The following MYCBP variants were observed in gnomAD, a reference collection of about 807,000 sequenced individuals.
The protein encoded by MYCBP is C-Myc-binding protein.
A neutral mutation model predicts 16.8 loss-of-function variants in MYCBP; 5 were observed. The observed-to-expected ratio is 0.30, with a 90% CI of 0.16 to 0.63. The LOEUF is 0.63. Among genes scored for constraint, MYCBP ranks in the 20% least tolerant of loss-of-function variants. MYCBP has a pLI of 0.83. For missense variants in MYCBP, 103 were observed against 121.8 expected (o/e 0.85, Z 0.73); for synonymous variants, 35 against 43.7 (o/e 0.80, Z 0.79).
chr1:38,868,533 A>G (rs1002429876), intron 2 of MYCBP, among the ~76,000 whole-genome samples: 13 of 152,276 alleles, frequency 8.5e-5, no homozygotes, highest in African/African-American at 3.1e-4. Context: ...TTAGATAAAA[A>G]ACTCTAAATC....
intron 2 of MYCBP, among the ~76,000 whole-genome samples, chr1:38,868,831 A>T (rs1047996777): frequency 6.6e-6 from 1 of 151,968 alleles, no homozygotes; most frequent in African/African-American, 2.4e-5. Flanking sequence ...GCGTCAACCC[A>T]GGAGGCGGAG....
chr1:38,870,276 G>T (rs1642433777), intron 2 of MYCBP, among the ~76,000 whole-genome samples: 1 of 151,986 alleles, frequency 6.6e-6, no homozygotes, highest in Non-Finnish European at 1.5e-5. Context: ...GAACCTGGGA[G>T]ATTAAGACTG....
At chr1:38,866,342 C>T (rs891323168) in intron 4 of MYCBP, among the ~76,000 whole-genome samples, 2 of 151,960 alleles carry the variant, frequency 1.3e-5, no homozygotes, top group African/African-American at 2.4e-5. Flanking sequence ...GCCACCGCAC[C>T]CAGCCAGAAC....
At chr1:38,868,326 A>C (rs1212707440) in intron 2 of MYCBP, among the ~76,000 whole-genome samples, 1 of 152,246 alleles carries the variant, frequency 6.6e-6, no homozygotes, top group South Asian at 2.1e-4. Context: ...TTACCGGAAG[A>C]AGCTCTGAAT....
chr1:38,867,547 G>T lies in MYCBP; in HGVS notation c.137+15C>A. 6.2e-7 allele frequency: 1 copy of T among 1,604,906 alleles called. No individual in the cohort carries two copies. Among genetic ancestry groups the T allele is most frequent in the Non-Finnish European group, 8.5e-7 (1 of 1,174,896 alleles). ...GAGTTTCAAAATAAAGCCTTTTTCT[G>T]ACTTGAAAGGATACTCCAAAGCACT... On this transcript the variant is annotated intron_variant, in intron 3 of 4. Transcript: ENST00000397572.
chr1:38,870,624 T>C (rs1332259358), intron 2 of MYCBP, among the ~76,000 whole-genome samples: 1 of 146,638 alleles, frequency 6.8e-6, no homozygotes, highest in Admixed American at 6.8e-5. Context: ...AAACCCCGTC[T>C]CTACTAAAAA....
chr1:38,870,782 A>G (rs1215423564), intron 2 of MYCBP, among the ~76,000 whole-genome samples: 5 of 122,702 alleles, frequency 4.1e-5, no homozygotes, highest in African/African-American at 1.2e-4. Flanking sequence ...CCTGGGCGAC[A>G]GAGCGAGACT....
chr1:38,873,317 C>CA lies in MYCBP; in HGVS notation c.-13dup. On this transcript the variant is annotated 5_prime_UTR_variant, in exon 1 of 5. Coordinates refer to ENST00000397572, the MANE Select transcript of MYCBP (RefSeq NM_012333.5). ...TTGTAATGGGCCATAGTGACAGCGG[C>CA]AGCGGCGTAGCTGGCGCCGGAGACC... 6.2e-7 allele frequency: 1 copy of CA among 1,601,282 alleles called. No individual in the cohort carries two copies.
chr1:38,868,628 G>A (rs936388358), intron 2 of MYCBP, among the ~76,000 whole-genome samples: 1 of 152,160 alleles, frequency 6.6e-6, no homozygotes, highest in Admixed American at 6.6e-5. Flanking sequence ...AAATGTGGCT[G>A]GGCGCAGTGG....
chr1:38,868,761 C>G (rs1642393209), intron 2 of MYCBP, among the ~76,000 whole-genome samples: 1 of 152,042 alleles, frequency 6.6e-6, no homozygotes, highest in African/African-American at 2.4e-5. Flanking sequence ...AAAAAATGAG[C>G]CAGGCGTGGT....
chr1:38,871,420 C>A (rs1642464004), intron 2 of MYCBP, among the ~76,000 whole-genome samples: 1 of 144,912 alleles, frequency 6.9e-6, no homozygotes, highest in African/African-American at 2.5e-5. Flanking sequence ...ACACATCCCA[C>A]CTGTCACTTT....
chr1:38,871,884 G>C (rs905921274), intron 2 of MYCBP, among the ~76,000 whole-genome samples: 4 of 152,110 alleles, frequency 2.6e-5, no homozygotes, highest in Non-Finnish European at 4.4e-5. Flanking sequence ...ACAGACACCT[G>C]AGTAAAATTA....
At chr1:38,866,668 G>A in intron 4 of MYCBP, among the ~76,000 whole-genome samples, 1 of 152,022 alleles carries the variant, frequency 6.6e-6, no homozygotes, top group South Asian at 2.1e-4. Flanking sequence ...ACCCACCTCG[G>A]CCTCCCAAAG....
At chr1:38,866,735 A>G in intron 4 of MYCBP, 145 bp downstream of exon 4, 1 of 707,052 alleles carries the variant, frequency 1.4e-6, no homozygotes. Flanking sequence ...TTTTCTTGAC[A>G]GGGCATAACT....
rs1188255134 is a variant in MYCBP, at chr1:38,866,910, A to G, written c.237T>C (p.Ile79=). The change falls in exon 4 of 5, where the codon ATT becomes ATC. Residue 79 remains isoleucine (I), a synonymous_variant. Coordinates refer to ENST00000397572, the MANE Select transcript of MYCBP (RefSeq NM_012333.5). ...LAEMKEKYEA[I]VEENKKLKAK... ...CTTTCAGTTTTTTATTTTCTTCTAC[A>G]ATAGCTTCATACTTCTCTTTCATTT... 1 of 1,573,318 alleles carries G rather than the reference A, an allele frequency of 6.4e-7. No homozygotes were observed. Among genetic ancestry groups the G allele is most frequent in the Admixed American group, 2.0e-5 (1 of 50,824 alleles).
intron 2 of MYCBP, among the ~76,000 whole-genome samples, chr1:38,871,156 G>A (rs964226318): frequency 2.6e-5 from 4 of 152,062 alleles, no homozygotes; most frequent in African/African-American, 7.2e-5. Flanking sequence ...CAACACAATC[G>A]CTTGAACCCG....
At chr1:38,866,044 C>CTTTTTTTTTTGTTTTTTTTTTTT in intron 4 of MYCBP, among the ~76,000 whole-genome samples, 1 of 65,718 alleles carries the variant, frequency 1.5e-5, no homozygotes, top group African/African-American at 7.9e-5. Flanking sequence ...CTAAGAACCT[C>CTTTTTTTTTTGTTTTTTTTTTTT]TTTTTTTTTT....
intron 2 of MYCBP, among the ~76,000 whole-genome samples, chr1:38,867,917 A>C (rs1396934603): frequency 6.6e-6 from 1 of 152,242 alleles, no homozygotes; most frequent in Non-Finnish European, 1.5e-5. Context: ...AGGAAGGCAA[A>C]GACCTGATAC....
At chr1:38,873,144 G>A (rs1642503817) in intron 1 of MYCBP, 54 bp from the exon 2 acceptor site, 15 of 1,552,020 alleles carry the variant, frequency 9.7e-6, no homozygotes, top group African/African-American at 1.4e-5. Context: ...GCAGGAAGAA[G>A]GCGCTGGGAG....
Sources: gnomAD v4.1 joint callset for allele counts (sites outside exome capture counted in the v4.1 genomes callset) on GRCh38, gnomAD v4.1.1 for gene constraint, MANE v1.5 for transcripts, NCBI Gene and HGNC (gene_info 2026-07-23, HGNC 2026-07-21) for gene names.